Variants in TENM2 observed in about 807,000 individuals in gnomAD.
The protein encoded by TENM2 is teneurin-2.
Under a neutral mutation model 245.2 loss-of-function variants are expected in TENM2, and 52 were observed. The ratio of observed to expected loss-of-function variants is 0.21; its 90% CI spans 0.17 to 0.27. TENM2 has a LOEUF of 0.27. Among genes scored for constraint, TENM2 ranks in the 10% least tolerant of loss-of-function variants. The pLI is 1.00. For missense variants in TENM2, 3,046 were observed against 3,666.8 expected, an observed-to-expected ratio of 0.83 and a Z score of 4.37; for synonymous variants, 1,363 against 1,438.9, an observed-to-expected ratio of 0.95 and a Z score of 1.19.
At chr5:167,661,790 T>G (rs279385) in intron 2 of TENM2, among the ~76,000 whole-genome samples, 1 of 152,094 alleles carries the variant, frequency 6.6e-6, no homozygotes, top group Non-Finnish European at 1.5e-5. Context: ...AGCTTAGGCA[T>G]GTTTGTCTGT....
At chr5:167,420,308 A>G (rs1763426874) in intron 2 of TENM2, among the ~76,000 whole-genome samples, 1 of 152,206 alleles carries the variant, frequency 6.6e-6, no homozygotes. Flanking sequence ...AAATTATTCA[A>G]GCTTTCTGGG....
the TENM2 span, among the ~76,000 whole-genome samples, chr5:167,102,200 TG>T: frequency 3.0e-3 from 450 of 151,782 alleles, 4 homozygotes; most frequent in Middle Eastern, 3.4e-3. Context: ...CACTCCAGCC[TG>T]GGCAACAGAG....
At position 167,906,159 on chromosome 5, in the gene TENM2, GGA is replaced by G. The variant is rs568441175; in HGVS notation, c.712+29966_712+29967del. Among the ~76,000 whole-genome samples the G allele has an allele frequency of 4.1e-3, 619 of 152,210 alleles. 8 individuals carry two copies. Among genetic ancestry groups the G allele is most frequent in the African/African-American group, 0.014 (577 of 41,526 alleles). ...CTGAACCTGTCAGAGCTTCCTACAA[GGA>G]GGCAGCCAGGAGTGAGGTTATTTTA... On this transcript the variant is annotated intron_variant, in intron 3 of 28. Coordinates refer to ENST00000518659, the Ensembl canonical transcript of TENM2.
chr5:167,281,266 C>T (rs1771049909), upstream of TENM2, among the ~76,000 whole-genome samples: 1 of 148,168 alleles, frequency 6.7e-6, no homozygotes, highest in South Asian at 2.1e-4. Context: ...TGCCACCACG[C>T]CTGGCTATTT....
chr5:168,060,757 T>A (rs1011157441), intron 6 of TENM2, among the ~76,000 whole-genome samples: 1 of 152,214 alleles, frequency 6.6e-6, no homozygotes, highest in African/African-American at 2.4e-5. Context: ...TTTTCTTTTA[T>A]AATTTAGACA....
the TENM2 span, among the ~76,000 whole-genome samples, chr5:167,167,133 T>C: frequency 6.6e-6 from 1 of 152,282 alleles, no homozygotes; most frequent in Admixed American, 6.5e-5. Flanking sequence ...TAGCTGACAT[T>C]ATTGACTTAG....
intron 4 of TENM2, among the ~76,000 whole-genome samples, chr5:167,981,981 AAAAAAAAAAAAAAAG>A (rs1388323717): frequency 4.0e-5 from 3 of 75,774 alleles, no homozygotes; most frequent in African/African-American, 1.4e-4. Flanking sequence ...TTTCAGACCA[AAAAAAAAAAAAAAAG>A]AAAAAAGAAA....
Position 167,428,902 on chromosome 5 carries a change from C to T in TENM2, c.502+53429C>T, listed in dbSNP as rs1257543933. On this transcript the variant is annotated intron_variant, in intron 2 of 28. Coordinates refer to ENST00000518659, the Ensembl canonical transcript of TENM2. ...TTTTGTTCCTTTGGGCTTCTTGAGG[C>T]TCATGGTAGTTCACTGAGAACATGT... Among the ~76,000 whole-genome samples, 6 of 152,250 alleles carry T rather than the reference C, an allele frequency of 3.9e-5. No homozygotes were observed. In the South Asian group the frequency reaches 1.0e-3, roughly 26 times the overall value.
chr5:167,500,061 G>GGT (rs10664934), intron 2 of TENM2, among the ~76,000 whole-genome samples: 1,542 of 147,952 alleles, frequency 0.01, 39 homozygotes, highest in South Asian at 0.081. Flanking sequence ...TATATATGAG[G>GGT]GTGTGTGTGT....
chr5:168,098,262 G>A (rs1453608998), intron 9 of TENM2, 135 bp downstream of exon 11: 2 of 663,690 alleles, frequency 3.0e-6, no homozygotes, highest in Non-Finnish European at 5.4e-6. Flanking sequence ...ATGCATGCCA[G>A]AAGGCATAAG....
intron 1 of TENM2, among the ~76,000 whole-genome samples, chr5:167,286,820 T>C (rs1186438289): frequency 6.6e-6 from 1 of 152,222 alleles, no homozygotes; most frequent in Non-Finnish European, 1.5e-5. Context: ...TTTTCCTTTA[T>C]TAATATTTAC....
At chr5:167,353,514 T>TG (rs1759089254) in intron 1 of TENM2, among the ~76,000 whole-genome samples, 3 of 125,724 alleles carry the variant, frequency 2.4e-5, no homozygotes, top group African/African-American at 5.9e-5. Context: ...TTTTTTTTTT[T>TG]TTTTTTTTTT....
At chr5:167,011,388 C>G in the TENM2 span, among the ~76,000 whole-genome samples, 2 of 152,262 alleles carry the variant, frequency 1.3e-5, no homozygotes, top group East Asian at 3.9e-4. Flanking sequence ...CCTACAATTC[C>G]CAGTGTGAAT....
At chr5:167,165,478 G>C in the TENM2 span, 2 of 152,138 alleles carry the variant, frequency 1.3e-5, no homozygotes, top group Non-Finnish European at 1.5e-5. Flanking sequence ...CTGACACGAG[G>C]ATGCGGTCTG....
chr5:167,234,450 G>C, the TENM2 span, among the ~76,000 whole-genome samples: 1 of 152,122 alleles, frequency 6.6e-6, no homozygotes, highest in Non-Finnish European at 1.5e-5. Context: ...GCCAGACTAT[G>C]CTTTGTTTCA....
intron 2 of TENM2, among the ~76,000 whole-genome samples, chr5:167,637,879 A>G (rs1244867747): frequency 6.6e-6 from 1 of 152,056 alleles, no homozygotes; most frequent in Non-Finnish European, 1.5e-5. Context: ...CTTAAAACCT[A>G]GATGACGGTT....
At chr5:168,105,110 G>A (rs1794138010) in intron 9 of TENM2, among the ~76,000 whole-genome samples, 2 of 152,204 alleles carry the variant, frequency 1.3e-5, no homozygotes, top group African/African-American at 2.4e-5. Flanking sequence ...GCAATAAAAT[G>A]TGCGTGTTAT....
intron 27 of TENM2, among the ~76,000 whole-genome samples, chr5:168,249,942 A>G (rs1766948992): frequency 6.6e-6 from 1 of 152,206 alleles, no homozygotes; most frequent in Non-Finnish European, 1.5e-5. Flanking sequence ...CCCATTCAAC[A>G]AATATTTGTA....
chr5:167,236,336 T>C, the TENM2 span, among the ~76,000 whole-genome samples: 17 of 152,162 alleles, frequency 1.1e-4, no homozygotes, highest in Non-Finnish European at 2.2e-4. Context: ...TTATGGAAGG[T>C]ATTTCTTCTT....
Sources: allele counts gnomAD v4.1 joint callset (sites outside exome capture counted in the v4.1 genomes callset), GRCh38; gene constraint gnomAD v4.1.1; transcripts MANE v1.5; gene names NCBI Gene and HGNC (gene_info 2026-07-23, HGNC 2026-07-21).